Variants in SPOCK1 observed in about 807,000 individuals in gnomAD.
SPOCK1 encodes the protein testican-1.
A neutral mutation model predicts 55.3 loss-of-function variants in SPOCK1; 23 were observed. The observed-to-expected ratio is 0.42, with a 90% CI of 0.30 to 0.59. The LOEUF (loss-of-function observed/expected upper bound fraction) is 0.59. Ranked by LOEUF, SPOCK1 falls within the 20% of genes least tolerant of loss-of-function variation. The probability of loss-of-function intolerance (pLI) is 0.22; values close to 1 mark genes in which losing one functional copy is unlikely to be tolerated. For missense variants in SPOCK1, 499 were observed against 552.5 expected, an observed-to-expected ratio of 0.90 and a Z score of 0.97; for synonymous variants, 226 against 221.0, an observed-to-expected ratio of 1.02 and a Z score of -0.20.
intron 6 of SPOCK1, among the ~76,000 whole-genome samples, chr5:136,997,059 C>T (rs1391663728): frequency 6.6e-6 from 1 of 152,170 alleles, no homozygotes; most frequent in African/African-American, 2.4e-5. Context: ...ACTCCAGACA[C>T]ACTACTTCTC....
intron 5 of SPOCK1, among the ~76,000 whole-genome samples, chr5:137,070,622 C>G (rs1350161136): frequency 6.6e-6 from 1 of 152,218 alleles, no homozygotes; most frequent in African/African-American, 2.4e-5. Context: ...TCACCACATT[C>G]ATCCTAAACC....
chr5:137,153,051 C>T (rs886277669), intron 3 of SPOCK1, among the ~76,000 whole-genome samples: 1 of 152,244 alleles, frequency 6.6e-6, no homozygotes, highest in Admixed American at 6.5e-5. Flanking sequence ...CATGCCACCT[C>T]TCACCCAACA....
intron 2 of SPOCK1, among the ~76,000 whole-genome samples, chr5:137,448,287 C>T (rs114398942): frequency 0.023 from 3,457 of 152,276 alleles, 60 homozygotes; most frequent in Middle Eastern, 0.041. Flanking sequence ...TACATACCCA[C>T]TCGCTGTTAT....
chr5:137,069,510 G>A (rs1752569341), intron 5 of SPOCK1, among the ~76,000 whole-genome samples: 1 of 152,202 alleles, frequency 6.6e-6, no homozygotes, highest in Non-Finnish European at 1.5e-5. Context: ...GGTGAGGCAG[G>A]ACACATGTCT....
At chr5:137,385,489 A>C (rs1008416085) in intron 2 of SPOCK1, among the ~76,000 whole-genome samples, 1 of 152,278 alleles carries the variant, frequency 6.6e-6, no homozygotes, top group Non-Finnish European at 1.5e-5. Context: ...AGTAACCAGC[A>C]AATAGTACAT....
chr5:137,193,846 C>T (rs902753436), intron 3 of SPOCK1, among the ~76,000 whole-genome samples: 2 of 152,094 alleles, frequency 1.3e-5, no homozygotes, highest in African/African-American at 4.8e-5. Context: ...GTTACATTAG[C>T]GGTAATAACA....
At chr5:137,494,248 C>G (rs1037865204) in intron 2 of SPOCK1, among the ~76,000 whole-genome samples, 1 of 152,202 alleles carries the variant, frequency 6.6e-6, no homozygotes, top group African/African-American at 2.4e-5. Context: ...GTCCAGCTGA[C>G]TTCCCATCCC....
intron 5 of SPOCK1, among the ~76,000 whole-genome samples, chr5:137,098,330 C>T (rs925728096): frequency 3.3e-5 from 5 of 152,184 alleles, no homozygotes; most frequent in African/African-American, 1.2e-4. Context: ...GCTCTACTTC[C>T]AGCACTCCCC....
chr5:137,223,218 C>G (rs2127088812), intron 3 of SPOCK1, among the ~76,000 whole-genome samples: 1 of 151,334 alleles, frequency 6.6e-6, no homozygotes, highest in South Asian at 2.1e-4. Flanking sequence ...TTCTCCCAAT[C>G]ATGATATGAG....
intron 4 of SPOCK1, among the ~76,000 whole-genome samples, chr5:137,129,326 C>G (rs1753832036): frequency 6.6e-6 from 1 of 152,184 alleles, no homozygotes; most frequent in Non-Finnish European, 1.5e-5. Flanking sequence ...GGTACCTACA[C>G]CTTTGTAATT....
chr5:137,101,125 G>A (rs146351058), intron 5 of SPOCK1, among the ~76,000 whole-genome samples: 31 of 152,308 alleles, frequency 2.0e-4, no homozygotes, highest in African/African-American at 7.2e-4. Context: ...ATACTCATTA[G>A]AGCAGAATGT....
chr5:137,363,207 C>G (rs1307518044), intron 2 of SPOCK1, among the ~76,000 whole-genome samples: 2 of 152,168 alleles, frequency 1.3e-5, no homozygotes, highest in Non-Finnish European at 2.9e-5. Flanking sequence ...ACCTAGCTCT[C>G]CCTCCCCAAT....
chr5:137,138,642 G>A (rs544477086), intron 4 of SPOCK1, among the ~76,000 whole-genome samples: 3 of 151,760 alleles, frequency 2.0e-5, no homozygotes, highest in Middle Eastern at 3.4e-3. Flanking sequence ...GCATGTAGCA[G>A]GAGATTCTAG....
At chr5:137,228,821 T>G (rs1454296891) in intron 3 of SPOCK1, among the ~76,000 whole-genome samples, 2 of 152,194 alleles carry the variant, frequency 1.3e-5, no homozygotes, top group Non-Finnish European at 2.9e-5. Context: ...TATTTTCAGT[T>G]TAATTACTAC....
At chr5:137,299,296 T>G (rs543367552) in intron 2 of SPOCK1, among the ~76,000 whole-genome samples, 1 of 152,112 alleles carries the variant, frequency 6.6e-6, no homozygotes, top group Non-Finnish European at 1.5e-5. Context: ...TGTTCATATA[T>G]ATGAATACAC....
chr5:137,023,165 T>C (rs1751606808), intron 6 of SPOCK1, among the ~76,000 whole-genome samples: 1 of 152,218 alleles, frequency 6.6e-6, no homozygotes, highest in African/African-American at 2.4e-5. Flanking sequence ...GGACTAAGAA[T>C]ACTATCTATC....
At chr5:137,486,448 C>T (rs17171442) in intron 2 of SPOCK1, among the ~76,000 whole-genome samples, 55,898 of 152,080 alleles carry the variant, frequency 0.37, 10,393 homozygotes, top group East Asian at 0.46. Flanking sequence ...GCACCTCTTT[C>T]TCTTCACTTT....
chr5:137,425,724 G>C (rs987428900), intron 2 of SPOCK1, among the ~76,000 whole-genome samples: 2 of 151,994 alleles, frequency 1.3e-5, no homozygotes, highest in Non-Finnish European at 2.9e-5. Flanking sequence ...TAAATAGCAT[G>C]GTGCATATTT....
intron 3 of SPOCK1, among the ~76,000 whole-genome samples, chr5:137,237,595 T>C (rs1756204275): frequency 6.6e-6 from 1 of 152,242 alleles, no homozygotes; most frequent in South Asian, 2.1e-4. Context: ...AGACATGTGG[T>C]GTTAAACAAA....
Sources: gnomAD v4.1 joint callset for allele counts (sites outside exome capture counted in the v4.1 genomes callset) on GRCh38, gnomAD v4.1.1 for gene constraint, MANE v1.5 for transcripts, NCBI Gene and HGNC (gene_info 2026-07-23, HGNC 2026-07-21) for gene names.